MDGA2: variants seen among roughly 807,000 people sequenced by gnomAD.
The protein encoded by MDGA2 is MAM domain-containing glycosylphosphatidylinositol anchor protein 2.
Under a neutral mutation model 117.8 loss-of-function variants are expected in MDGA2, and 40 were observed. That is an observed-to-expected ratio of 0.34 (90% CI 0.26 to 0.44). The LOEUF is 0.44. MDGA2 is among the 20% of genes least tolerant of loss of function. The pLI is 1.00. For missense variants in MDGA2, 1,123 were observed against 1,250.6 expected, an observed-to-expected ratio of 0.90 and a Z score of 1.54; for synonymous variants, 452 against 439.0, an observed-to-expected ratio of 1.03 and a Z score of -0.37.
Position 46,888,604 on chromosome 14 carries a change from G to A in MDGA2, c.2239-6383C>T, listed in dbSNP as rs540805881. On this transcript the variant is annotated intron_variant, in intron 10 of 16. Coordinates refer to ENST00000399232, the MANE Select transcript of MDGA2 (RefSeq NM_001113498.3). ...AAAAGGTCTCAGGAGGAAAAAACATGTTAATTTTTTCTCTTAATTTTATAA... is the reference window on the plus strand; with the variant it reads ...AAAAGGTCTCAGGAGGAAAAAACATATTAATTTTTTCTCTTAATTTTATAA... 1.1e-4 allele frequency among the ~76,000 whole-genome samples: 17 copies of A among 151,838 alleles called. 1 individual carries two copies. Among genetic ancestry groups the A allele is most frequent in the African/African-American group, 4.1e-4 (17 of 41,494 alleles).
At chr14:47,571,361 C>G (rs1371370094) in intron 1 of MDGA2, among the ~76,000 whole-genome samples, 1 of 152,130 alleles carries the variant, frequency 6.6e-6, no homozygotes, top group African/African-American at 2.4e-5. Context: ...CCTCAAGGAT[C>G]TAGAAGTAGA....
At chr14:47,479,978 A>G (rs1328489205) in intron 1 of MDGA2, among the ~76,000 whole-genome samples, 2 of 152,060 alleles carry the variant, frequency 1.3e-5, no homozygotes, top group Non-Finnish European at 2.9e-5. Context: ...AAGGTTATGC[A>G]ATAATATCCT....
Position 47,075,118 on chromosome 14 carries a change from GCT to G in MDGA2, c.1196-13542_1196-13541del, listed in dbSNP as rs549779912. Among the ~76,000 whole-genome samples, 697 of 152,166 alleles carry G rather than the reference GCT, an allele frequency of 4.6e-3. 2 individuals carry two copies. Among genetic ancestry groups the G allele is most frequent in the Non-Finnish European group, 7.9e-3 (540 of 68,004 alleles). On this transcript the variant is annotated intron_variant, in intron 6 of 16. Transcript: ENST00000399232. ...TTGCCTTGTATGACATCTTGTCCAT[GCT>G]CTCTGTCCACATTGGATTCAGTCAC...
intron 1 of MDGA2, among the ~76,000 whole-genome samples, chr14:47,394,166 T>C (rs997433084): frequency 1.3e-5 from 2 of 152,182 alleles, no homozygotes; most frequent in African/African-American, 4.8e-5. Flanking sequence ...TGTTAGCATG[T>C]GGCATTCCTT....
intron 1 of MDGA2, among the ~76,000 whole-genome samples, chr14:47,651,251 TA>T (rs1897637826): frequency 1.5e-5 from 2 of 131,650 alleles, no homozygotes; most frequent in Non-Finnish European, 3.6e-5. Flanking sequence ...TGTGTGTGTG[TA>T]TACCCATAAA....
chr14:47,255,732 C>T (rs1355817603), intron 2 of MDGA2, among the ~76,000 whole-genome samples: 1 of 151,872 alleles, frequency 6.6e-6, no homozygotes, highest in Non-Finnish European at 1.5e-5. Context: ...TGTCATAGTA[C>T]CTCATATTTT....
intron 1 of MDGA2, among the ~76,000 whole-genome samples, chr14:47,329,314 CAT>C (rs1890230922): frequency 6.6e-6 from 1 of 151,708 alleles, no homozygotes; most frequent in East Asian, 1.9e-4. Flanking sequence ...TTTTCTTAAA[CAT>C]GTCTTATTTG....
At chr14:46,980,686 C>G (rs767356345) in intron 8 of MDGA2, among the ~76,000 whole-genome samples, 12 of 152,130 alleles carry the variant, frequency 7.9e-5, no homozygotes, top group Non-Finnish European at 1.6e-4. Flanking sequence ...TAACCACCAC[C>G]GCATTGAGTC....
intron 3 of MDGA2, among the ~76,000 whole-genome samples, chr14:47,174,679 G>A (rs184568552): frequency 1.2e-3 from 178 of 152,060 alleles, no homozygotes; most frequent in Non-Finnish European, 1.8e-3. Context: ...AGCAGTAAAC[G>A]CCCACAAGAG....
intron 9 of MDGA2, among the ~76,000 whole-genome samples, chr14:46,933,331 CAAGAAGT>C (rs1884649706): frequency 6.6e-6 from 1 of 151,844 alleles, no homozygotes. Context: ...TCATTACTAG[CAAGAAGT>C]CTTTAAAAAA....
At chr14:46,906,400 CT>C (rs1883494214) in intron 10 of MDGA2, among the ~76,000 whole-genome samples, 2 of 152,008 alleles carry the variant, frequency 1.3e-5, no homozygotes, top group South Asian at 4.1e-4. Context: ...ACTGAACTTT[CT>C]TTTTGGAAGT....
chr14:47,014,930 T>C (rs1888027921), intron 8 of MDGA2, among the ~76,000 whole-genome samples: 1 of 152,210 alleles, frequency 6.6e-6, no homozygotes, highest in African/African-American at 2.4e-5. Flanking sequence ...TTGACATGCA[T>C]TCCACACTAA....
At chr14:46,861,025 A>G (rs890716291) in intron 14 of MDGA2, among the ~76,000 whole-genome samples, 6 of 151,840 alleles carry the variant, frequency 4.0e-5, no homozygotes, top group Non-Finnish European at 7.4e-5. Context: ...TTCTTGAATA[A>G]TAAGAAGTAA....
At chr14:46,921,292 C>CT (rs1210780254) in intron 9 of MDGA2, among the ~76,000 whole-genome samples, 1 of 152,058 alleles carries the variant, frequency 6.6e-6, no homozygotes, top group South Asian at 2.1e-4. Context: ...AACATCTTTT[C>CT]TTTTTTTCTT....
chr14:46,877,689 T>A (rs1034953535), intron 11 of MDGA2, among the ~76,000 whole-genome samples, 180 bp from the exon 12 acceptor site: 1 of 151,810 alleles, frequency 6.6e-6, no homozygotes. Flanking sequence ...GGATTGAATA[T>A]AATCTGCTTT....
At chr14:47,019,226 T>C (rs1476306705) in intron 8 of MDGA2, among the ~76,000 whole-genome samples, 5 of 152,216 alleles carry the variant, frequency 3.3e-5, no homozygotes, top group African/African-American at 1.2e-4. Flanking sequence ...AAGCCAAGAA[T>C]GAAAACAATG....
chr14:47,571,569 C>T (rs1896020628), intron 1 of MDGA2, among the ~76,000 whole-genome samples: 1 of 152,100 alleles, frequency 6.6e-6, no homozygotes, highest in South Asian at 2.1e-4. Context: ...GAATACTATG[C>T]AGCCATAAAA....
intron 1 of MDGA2, among the ~76,000 whole-genome samples, chr14:47,530,855 C>T (rs1439433161): frequency 2.0e-5 from 3 of 152,056 alleles, no homozygotes; most frequent in African/African-American, 7.2e-5. Context: ...TAAAATAAAA[C>T]AAATATTTTT....
chr14:47,069,897 A>G (rs2138832132), intron 6 of MDGA2, among the ~76,000 whole-genome samples: 1 of 152,358 alleles, frequency 6.6e-6, no homozygotes, highest in South Asian at 2.1e-4. Flanking sequence ...CAATTTATGT[A>G]AATTATCTTA....
Sources: allele counts gnomAD v4.1 joint callset (sites outside exome capture counted in the v4.1 genomes callset), GRCh38; gene constraint gnomAD v4.1.1; transcripts MANE v1.5; gene names NCBI Gene and HGNC (gene_info 2026-07-23, HGNC 2026-07-21).